The following SCFD2 variants were observed in gnomAD, a reference collection of about 807,000 sequenced individuals.
The protein encoded by SCFD2 is sec1 family domain containing 2, also known as sec1 family domain-containing protein 2.
Under a neutral mutation model 58.9 loss-of-function variants are expected in SCFD2, and 54 were observed. The ratio of observed to expected loss-of-function variants is 0.92; its 90% CI spans 0.74 to 1.15. SCFD2 has a LOEUF of 1.15. Ranked by LOEUF, SCFD2 falls within the 50% of genes most tolerant of loss-of-function variation. The probability of loss-of-function intolerance (pLI) is 0.00; values close to 1 mark genes in which losing one functional copy is unlikely to be tolerated. For missense variants in SCFD2, 805 were observed against 836.6 expected (o/e 0.96, Z 0.47); for synonymous variants, 321 against 335.9 (o/e 0.96, Z 0.49).
At chr4:53,290,167 A>C (rs1026399829) in intron 3 of SCFD2, among the ~76,000 whole-genome samples, 7 of 152,194 alleles carry the variant, frequency 4.6e-5, no homozygotes, top group African/African-American at 1.7e-4. Flanking sequence ...ACAGCAACAG[A>C]ATAATATTCT....
At chr4:53,053,597 C>T (rs1434544299) in intron 5 of SCFD2, among the ~76,000 whole-genome samples, 3 of 152,038 alleles carry the variant, frequency 2.0e-5, no homozygotes, top group African/African-American at 4.8e-5. Flanking sequence ...CACTGTGCTC[C>T]GATCATATGG....
chr4:53,070,483 G>C (rs1271182202), intron 5 of SCFD2, among the ~76,000 whole-genome samples: 2 of 151,998 alleles, frequency 1.3e-5, no homozygotes, highest in Non-Finnish European at 2.9e-5. Flanking sequence ...AAGGAAAAGG[G>C]TAGATAAATT....
intron 5 of SCFD2, among the ~76,000 whole-genome samples, chr4:53,001,393 G>T (rs1046008513): frequency 6.6e-6 from 1 of 152,112 alleles, no homozygotes; most frequent in Non-Finnish European, 1.5e-5. Context: ...GCCTTTTACC[G>T]AACTGTTTTT....
At chr4:52,961,889 T>C (rs1268544669) in intron 5 of SCFD2, among the ~76,000 whole-genome samples, 2 of 152,166 alleles carry the variant, frequency 1.3e-5, no homozygotes, top group African/African-American at 2.4e-5. Flanking sequence ...AAGGCAGTTA[T>C]AGACAGTCTG....
At chr4:53,171,948 T>C (rs1727190261) in intron 4 of SCFD2, among the ~76,000 whole-genome samples, 1 of 149,976 alleles carries the variant, frequency 6.7e-6, no homozygotes, top group Non-Finnish European at 1.5e-5. Context: ...CTTAATGTCA[T>C]TGATTTGATT....
At chr4:53,243,630 C>A (rs1490951773) in intron 4 of SCFD2, among the ~76,000 whole-genome samples, 1 of 151,836 alleles carries the variant, frequency 6.6e-6, no homozygotes, top group Non-Finnish European at 1.5e-5. Context: ...TACATATCAA[C>A]TTTAACCTTG....
At chr4:53,069,142 G>T (rs1309412745) in intron 5 of SCFD2, among the ~76,000 whole-genome samples, 1 of 152,026 alleles carries the variant, frequency 6.6e-6, no homozygotes, top group African/African-American at 2.4e-5. Flanking sequence ...TGAAGGATCC[G>T]CTAGGGAATC....
intron 5 of SCFD2, among the ~76,000 whole-genome samples, chr4:53,000,833 C>T (rs769977496): frequency 1.3e-5 from 2 of 152,126 alleles, no homozygotes; most frequent in South Asian, 2.1e-4. Context: ...AGAGCTCAGG[C>T]GGTGAAAAAG....
At chr4:53,273,216 CCT>C (rs1731228537) in intron 4 of SCFD2, among the ~76,000 whole-genome samples, 2 of 152,058 alleles carry the variant, frequency 1.3e-5, no homozygotes, top group Admixed American at 6.6e-5. Context: ...GCTTCACAAT[CCT>C]CTGTCCTTTT....
chr4:53,110,975 G>A (rs947452223), intron 5 of SCFD2, among the ~76,000 whole-genome samples: 10 of 152,138 alleles, frequency 6.6e-5, no homozygotes, highest in African/African-American at 2.2e-4. Context: ...AAGAAAATGT[G>A]GCACATATAC....
intron 5 of SCFD2, among the ~76,000 whole-genome samples, chr4:53,036,076 A>ATTT (rs1280186597): frequency 6.6e-6 from 1 of 151,862 alleles, no homozygotes; most frequent in African/African-American, 2.4e-5. Flanking sequence ...TATTATTATT[A>ATTT]TACTTTAAGT....
chr4:53,294,498 T>C (rs1318864236), intron 3 of SCFD2, among the ~76,000 whole-genome samples: 2 of 152,250 alleles, frequency 1.3e-5, no homozygotes, highest in Non-Finnish European at 2.9e-5. Context: ...TGTTTTTTTC[T>C]TGTAAATTTG....
intron 5 of SCFD2, among the ~76,000 whole-genome samples, chr4:52,968,299 A>T (rs1721008825): frequency 6.6e-6 from 1 of 152,240 alleles, no homozygotes; most frequent in Non-Finnish European, 1.5e-5. Context: ...TGCACAAAAG[A>T]TATTCTTACT....
At chr4:53,254,806 T>TTTTATTTTA (rs1263563494) in intron 4 of SCFD2, among the ~76,000 whole-genome samples, 2 of 10,450 alleles carry the variant, frequency 1.9e-4, no homozygotes, top group African/African-American at 1.1e-3. Flanking sequence ...TATTTTATTT[T>TTTTATTTTA]TTTATTTTAT....
At chr4:53,235,238 T>C (rs560804810) in intron 4 of SCFD2, among the ~76,000 whole-genome samples, 6 of 152,318 alleles carry the variant, frequency 3.9e-5, no homozygotes, top group East Asian at 1.9e-4. Context: ...CCATGTGCTA[T>C]GCAAAAAGGT....
intron 4 of SCFD2, among the ~76,000 whole-genome samples, chr4:53,214,291 A>G (rs921754379): frequency 5.3e-5 from 8 of 151,818 alleles, no homozygotes; most frequent in Admixed American, 5.2e-4. Flanking sequence ...AAGTGTTGCT[A>G]TTTCTCCACA....
At chr4:53,096,206 G>A (rs1560333401) in intron 5 of SCFD2, among the ~76,000 whole-genome samples, 1 of 152,208 alleles carries the variant, frequency 6.6e-6, no homozygotes, top group African/African-American at 2.4e-5. Context: ...ATAGCGGCAT[G>A]ATTTATAATT....
At chr4:53,159,488 C>G (rs933581109) in intron 4 of SCFD2, among the ~76,000 whole-genome samples, 1 of 152,156 alleles carries the variant, frequency 6.6e-6, no homozygotes, top group Non-Finnish European at 1.5e-5. Flanking sequence ...GACAAGGATT[C>G]TGACTAGGAC....
intron 3 of SCFD2, among the ~76,000 whole-genome samples, chr4:53,289,389 C>A (rs866283126): frequency 2.0e-4 from 31 of 151,656 alleles, no homozygotes; most frequent in Middle Eastern, 3.4e-3. Context: ...ACAACAACAA[C>A]AAAAAAAATG....
Sources: allele counts gnomAD v4.1 joint callset (sites outside exome capture counted in the v4.1 genomes callset), GRCh38; gene constraint gnomAD v4.1.1; transcripts MANE v1.5; gene names NCBI Gene and HGNC (gene_info 2026-07-23, HGNC 2026-07-21).